DMD: variants seen among roughly 807,000 people sequenced by gnomAD.
The protein encoded by DMD is dystrophin, also known as mutant dystrophin.
A neutral mutation model predicts 330.1 loss-of-function variants in DMD; 63 were observed. That is an observed-to-expected ratio of 0.19 (90% CI 0.16 to 0.24). The LOEUF (loss-of-function observed/expected upper bound fraction) is 0.24. Ranked by LOEUF, DMD falls within the 10% of genes least tolerant of loss-of-function variation. The pLI is 1.00. For missense variants in DMD, 3,344 were observed against 2,684.1 expected, an observed-to-expected ratio of 1.25 and a Z score of -5.43; for synonymous variants, 1,223 against 959.8, an observed-to-expected ratio of 1.27 and a Z score of -5.07.
At chrX:32,287,821 G>T in intron 42 of DMD, 120 bp from the exon 43 acceptor site, 1 of 503,103 alleles carries the variant, frequency 2.0e-6, no homozygotes, top group Non-Finnish European at 3.0e-6. Context: ...CTTAATTATT[G>T]ACTTTTTAAA....
chrX:32,825,221 C>A (rs1047796787), intron 4 of DMD, among the ~76,000 whole-genome samples: 7 of 111,579 alleles, frequency 6.3e-5, no homozygotes, highest in Non-Finnish European at 1.3e-4. Context: ...CTGGTAGATA[C>A]GTTTTGGGTT....
intron 61 of DMD, among the ~76,000 whole-genome samples, chrX:31,329,454 C>T (rs1352812254): frequency 1.1e-4 from 12 of 111,873 alleles, no homozygotes; most frequent in Non-Finnish European, 1.9e-5. Context: ...AGGATAAATG[C>T]TGTATGACTC....
At chrX:32,564,019 C>T (rs1347452335) in intron 16 of DMD, among the ~76,000 whole-genome samples, 3 of 111,670 alleles carry the variant, frequency 2.7e-5, no homozygotes, top group Non-Finnish European at 5.6e-5. Context: ...CTCCCACCCT[C>T]CCACCTCAAG....
At chrX:31,232,084 A>AAAAAC (rs1316088147) in intron 63 of DMD, among the ~76,000 whole-genome samples, 9 of 82,069 alleles carry the variant, frequency 1.1e-4, no homozygotes, top group African/African-American at 6.0e-4. Context: ...CACATGTTAA[A>AAAAAC]AAAAAAAAAA....
chrX:32,229,270 T>C (rs938662647), intron 43 of DMD, among the ~76,000 whole-genome samples: 1 of 110,522 alleles, frequency 9.0e-6, no homozygotes, highest in African/African-American at 3.3e-5. Flanking sequence ...GATTAATAAA[T>C]AACCTAACCT....
chrX:33,176,968 A>G (rs143228178), intron 1 of DMD, among the ~76,000 whole-genome samples: 204 of 112,026 alleles, frequency 1.8e-3, no homozygotes, highest in African/African-American at 6.1e-3. Flanking sequence ...AAAGTGCTCA[A>G]AAGAGAAACT....
At chrX:32,318,506 A>G (rs778315468) in intron 41 of DMD, among the ~76,000 whole-genome samples, 5 of 111,365 alleles carry the variant, frequency 4.5e-5, no homozygotes, top group South Asian at 3.8e-4. Flanking sequence ...TGAATAATCA[A>G]TCTAATGAGT....
At chrX:32,644,855 A>G (rs759444472) in intron 10 of DMD, 109 bp downstream of exon 10, 2 of 939,465 alleles carry the variant, frequency 2.1e-6, no homozygotes, top group Non-Finnish European at 3.0e-6. Flanking sequence ...ACATCATAGT[A>G]ACTAAATTTC....
chrX:32,641,069 C>T (rs2059415311), intron 11 of DMD, among the ~76,000 whole-genome samples: 1 of 111,263 alleles, frequency 9.0e-6, no homozygotes, highest in Non-Finnish European at 1.9e-5. Flanking sequence ...AACCACACTT[C>T]CTTGTGATCT....
intron 7 of DMD, among the ~76,000 whole-genome samples, chrX:32,707,433 G>A (rs7878087): frequency 0.15 from 17,009 of 111,402 alleles, 3,070 homozygotes; most frequent in African/African-American, 0.52. Flanking sequence ...GTGCCTCAGA[G>A]CAAATGCACA....
chrX:32,329,043 T>A (rs998538687), intron 41 of DMD, among the ~76,000 whole-genome samples: 1 of 111,631 alleles, frequency 9.0e-6, no homozygotes. Flanking sequence ...ATTCAATCAT[T>A]CATTCCACAT....
chrX:32,129,720 A>AGAGG (rs1412810903), intron 44 of DMD, among the ~76,000 whole-genome samples: 1,599 of 77,974 alleles, frequency 0.021, 24 homozygotes, highest in African/African-American at 0.046. Context: ...AGAGAGAGAG[A>AGAGG]GAGGGAGGGA....
At chrX:32,467,820 G>C (rs2040201112) in intron 23 of DMD, among the ~76,000 whole-genome samples, 1 of 109,206 alleles carries the variant, frequency 9.2e-6, no homozygotes, top group Non-Finnish European at 1.9e-5. Context: ...CTGACCTCCA[G>C]AACAGTAATG....
intron 2 of DMD, among the ~76,000 whole-genome samples, chrX:32,937,618 C>A (rs2090109420): frequency 9.3e-6 from 1 of 107,112 alleles, no homozygotes; most frequent in Non-Finnish European, 1.9e-5. Context: ...AGTCCTGGAG[C>A]CTAGACAGAG....
chrX:31,897,325 T>A (rs1299533604), intron 47 of DMD, among the ~76,000 whole-genome samples: 2 of 110,453 alleles, frequency 1.8e-5, no homozygotes, highest in South Asian at 3.9e-4. Context: ...TCTATCATTG[T>A]TGGACATTTG....
At chrX:32,757,504 G>A (rs1457680739) in intron 7 of DMD, among the ~76,000 whole-genome samples, 3 of 111,277 alleles carry the variant, frequency 2.7e-5, no homozygotes, top group Non-Finnish European at 5.7e-5. Flanking sequence ...TTCCCACCAT[G>A]TCATGGGAGG....
chrX:32,226,697 T>C (rs2097148898), intron 43 of DMD, among the ~76,000 whole-genome samples: 1 of 111,447 alleles, frequency 9.0e-6, no homozygotes, highest in Admixed American at 9.6e-5. Flanking sequence ...GTCTCAGTTA[T>C]CTCACACATA....
chrX:32,737,148 G>T (rs1021297458), intron 7 of DMD, among the ~76,000 whole-genome samples: 4 of 109,695 alleles, frequency 3.6e-5, no homozygotes, highest in African/African-American at 1.3e-4. Flanking sequence ...AAAGGGGGGG[G>T]ACATAAAATC....
At chrX:31,135,850 A>G (rs1241040931) in intron 76 of DMD, among the ~76,000 whole-genome samples, 3 of 112,406 alleles carry the variant, frequency 2.7e-5, no homozygotes, top group Non-Finnish European at 5.6e-5. Context: ...GTCAACCATA[A>G]TGAACTTAAT....
Sources: gnomAD v4.1 joint callset for allele counts (sites outside exome capture counted in the v4.1 genomes callset) on GRCh38, gnomAD v4.1.1 for gene constraint, MANE v1.5 for transcripts, NCBI Gene and HGNC (gene_info 2026-07-23, HGNC 2026-07-21) for gene names.